Variants in CHST12 observed in about 807,000 individuals in gnomAD.
CHST12 encodes carbohydrate (chondroitin 4) sulfotransferase 12.
In CHST12, 23 loss-of-function variants were observed where a neutral mutation model predicts 27.9. That is an observed-to-expected ratio of 0.82 (90% CI 0.59 to 1.17). The LOEUF (loss-of-function observed/expected upper bound fraction) is 1.17. CHST12 is among the 50% of genes most tolerant of loss of function. CHST12 has a pLI of 0.00. For missense variants in CHST12, 682 were observed against 603.0 expected (o/e 1.13, Z -1.37); for synonymous variants, 322 against 273.0 (o/e 1.18, Z -1.77).
At chr7:2,407,348 T>C (rs1006533345) in intron 1 of CHST12, among the ~76,000 whole-genome samples, 2 of 152,008 alleles carry the variant, frequency 1.3e-5, no homozygotes, top group Non-Finnish European at 2.9e-5. Context: ...CTTGGGAGGC[T>C]GAGGTGGGAG....
In CHST12 at chr7:2,414,582, G is replaced by A. The variant is rs188608796; in HGVS notation, c.-78+10909G>A. On this transcript the variant is annotated intron_variant, in intron 1 of 1. Transcript: ENST00000618655. ...TTACAGGTGTGAGCCACCGTGCCCA[G>A]CCTTTACTTTCTTTAATGGTAAAAT... Among the ~76,000 whole-genome samples the A allele has an allele frequency of 3.1e-3, 478 of 152,286 alleles. 2 individuals are homozygous for A. Among genetic ancestry groups the A allele is most frequent in the Middle Eastern group, 0.017 (5 of 294 alleles).
At position 2,439,347 on chromosome 7, in the gene CHST12, G is replaced by A. The variant is rs1380304750; in HGVS notation, c.*5463G>A. 3 of 151,908 alleles carry A rather than the reference G, an allele frequency of 2.0e-5. No individual in the cohort carries two copies. Among genetic ancestry groups the A allele is most frequent in the Non-Finnish European group, 2.9e-5 (2 of 67,986 alleles). The allele number at this position is 151,908 out of a possible 1,614,324, so 9.4% of individuals were successfully genotyped here. A position where few individuals can be genotyped will look rare whatever the true frequency, so the allele number is the denominator to read the frequency against. ...CAGGGATAGGTGAGGCTCTCCTATT[G>A]GGATACCATTTCACCAGCAGAGAGA... On this transcript the variant is annotated 3_prime_UTR_variant, in exon 2 of 2. Transcript: ENST00000618655.
At chr7:2,413,515 G>T (rs1027869267) in intron 1 of CHST12, among the ~76,000 whole-genome samples, 1 of 152,032 alleles carries the variant, frequency 6.6e-6, no homozygotes, top group Non-Finnish European at 1.5e-5. Context: ...CCATCGCCCC[G>T]AGTTTCTGCG....
chr7:2,433,742 A>G lies in CHST12; in HGVS notation c.1103A>G (p.Tyr368Cys). The change falls in exon 2 of 2, where the codon TAC (tyrosine) becomes TGC (cysteine). Residue 368 changes from tyrosine (Y) to cysteine (C), a missense_variant. Tyr to Cys is a radical substitution (Grantham distance 194). Transcript: ENST00000618655. This position sits in a 1 kb window ranked among gnomAD's most constrained non-coding sequence, Gnocchi z 6.1. ...CGGCAGCTCCGCTTCCCCCCGAGCT[A>G]CCGGAACAGGACCGCCAGCAGCTGG... ...VDRQLRFPPS[Y>C]RNRTASSWEE... 1 of 1,613,758 alleles carries G rather than the reference A, an allele frequency of 6.2e-7. No individual in the cohort carries two copies. The highest frequency in any genetic ancestry group is 8.5e-7 in the Non-Finnish European group (1 of 1,179,982).
intron 1 of CHST12, among the ~76,000 whole-genome samples, chr7:2,409,488 G>A (rs1781608828): frequency 6.6e-6 from 1 of 152,018 alleles, no homozygotes; most frequent in African/African-American, 2.4e-5. Flanking sequence ...GGTGGCCTGT[G>A]TCTGTCTCAG....
intron 1 of CHST12, among the ~76,000 whole-genome samples, chr7:2,418,056 G>A (rs1432051631): frequency 6.6e-6 from 1 of 152,240 alleles, no homozygotes; most frequent in African/African-American, 2.4e-5. Context: ...AGTGAGCTAA[G>A]GCCATAGCTG....
At chr7:2,414,786 G>C (rs1781761140) in intron 1 of CHST12, among the ~76,000 whole-genome samples, 1 of 152,310 alleles carries the variant, frequency 6.6e-6, no homozygotes, top group Non-Finnish European at 1.5e-5. Flanking sequence ...TCCATTGTGA[G>C]TTAATTTCTG....
At chr7:2,407,789 G>C (rs562561525) in intron 1 of CHST12, among the ~76,000 whole-genome samples, 1 of 152,214 alleles carries the variant, frequency 6.6e-6, no homozygotes, top group South Asian at 2.1e-4. Context: ...AATTAGCCAA[G>C]CATGGTGGTG....
In CHST12 at chr7:2,435,935, C is replaced by A. The variant is rs1008415508; in HGVS notation, c.*2051C>A. The A allele has an allele frequency of 2.6e-5, 4 of 152,282 alleles. No individual in the cohort carries two copies. The highest frequency in any genetic ancestry group is 5.9e-5 in the Non-Finnish European group (4 of 68,138). The allele number at this position is 152,282 out of a possible 1,614,324, so 9.4% of individuals were successfully genotyped here. On this transcript the variant is annotated 3_prime_UTR_variant, in exon 2 of 2. Transcript: ENST00000618655. ...GCTCAAGTGATCTTCCCATCTCAGACTCCCAAGTAGCTGGGGTTACAGGTG... is the reference window on the plus strand; with the variant it reads ...GCTCAAGTGATCTTCCCATCTCAGAATCCCAAGTAGCTGGGGTTACAGGTG...
intron 1 of CHST12, among the ~76,000 whole-genome samples, chr7:2,410,814 A>C (rs1012281170): frequency 3.3e-5 from 5 of 152,106 alleles, no homozygotes; most frequent in African/African-American, 1.2e-4. Flanking sequence ...AGAGGAGATC[A>C]GTGGAGTCCT....
rs1782590501 is a variant in CHST12, at chr7:2,441,005, AGG to A, written c.*7122_*7123del. ...TAGGAGAGACACGGCTGTGGCTCTC[AGG>A]CTGTGGGGCAATGTTCTGCTTATAA... On this transcript the variant is annotated 3_prime_UTR_variant, in exon 2 of 2. Transcript: ENST00000618655. 1 of 152,106 alleles carries A rather than the reference AGG, an allele frequency of 6.6e-6. No homozygotes were observed. The highest frequency in any genetic ancestry group is 1.5e-5 in the Non-Finnish European group (1 of 68,008). The allele number at this position is 152,106 out of a possible 1,614,324, so 9.4% of individuals were successfully genotyped here. A position where few individuals can be genotyped will look rare whatever the true frequency, so the allele number is the denominator to read the frequency against.
intron 1 of CHST12, among the ~76,000 whole-genome samples, chr7:2,425,289 G>A (rs1782083292): frequency 6.6e-6 from 1 of 151,528 alleles, no homozygotes; most frequent in African/African-American, 2.4e-5. Flanking sequence ...TCAGCATGTC[G>A]GTCAAGACAG....
At chr7:2,411,028 G>C (rs913522718) in intron 1 of CHST12, among the ~76,000 whole-genome samples, 1 of 152,010 alleles carries the variant, frequency 6.6e-6, no homozygotes, top group African/African-American at 2.4e-5. Flanking sequence ...GAGGGGACTT[G>C]ACAAGTTAGA....
chr7:2,419,135 G>C (rs909065657), intron 1 of CHST12, among the ~76,000 whole-genome samples: 1 of 152,158 alleles, frequency 6.6e-6, no homozygotes, highest in African/African-American at 2.4e-5. Context: ...TTGGCTGGGC[G>C]TGGTGGCTCA....
At position 2,434,110 on chromosome 7, in the gene CHST12, CCACCCGCCCGCCCG is replaced by C; in HGVS notation, c.*228_*241del. ...AATATCCCCTCTCCCCTCCGCCCGC[CCACCCGCCCGCCCG>C]CTCGCCCGCTCGCCCGCTCCTGTGG... On this transcript the variant is annotated 3_prime_UTR_variant, in exon 2 of 2. Transcript: ENST00000618655. 1 of 378,834 alleles carries C rather than the reference CCACCCGCCCGCCCG, an allele frequency of 2.6e-6. No homozygotes were observed. The highest frequency in any genetic ancestry group is 4.7e-6 in the Non-Finnish European group (1 of 212,832). 23.5% of individuals were successfully genotyped at this position (378,834 alleles called of 1,614,324 possible).
rs1325297525 is a variant in CHST12 at position 2,435,366 on chromosome 7, T to C, written c.*1482T>C. On this transcript the variant is annotated 3_prime_UTR_variant, in exon 2 of 2. Transcript: ENST00000618655. ...GTACCCAGTGTCACCAAGAAGAGGC[T>C]CCGTGTGACTGTCTCTGTGGCTTTC... 6.6e-6 allele frequency: 1 copy of C among 152,198 alleles called. No homozygotes were observed. The highest frequency in any genetic ancestry group is 2.4e-5 in the African/African-American group (1 of 41,428). The allele number at this position is 152,198 out of a possible 1,614,324, so 9.4% of individuals were successfully genotyped here.
intron 1 of CHST12, among the ~76,000 whole-genome samples, chr7:2,425,146 A>G (rs541235608): frequency 3.1e-4 from 46 of 147,044 alleles, no homozygotes; most frequent in Admixed American, 2.7e-4. Flanking sequence ...CAGAGATTGC[A>G]GTGAGCCGAG....
intron 1 of CHST12, among the ~76,000 whole-genome samples, chr7:2,404,584 C>T (rs938641296): frequency 6.6e-6 from 1 of 152,206 alleles, no homozygotes; most frequent in Non-Finnish European, 1.5e-5. Flanking sequence ...GCGGGTCCCC[C>T]ACTTACCCCC....
Position 2,438,946 on chromosome 7 carries a change from T to C in CHST12, c.*5062T>C, listed in dbSNP as rs1395879240. 6.6e-6 allele frequency: 1 copy of C among 152,242 alleles called. No individual in the cohort carries two copies. Among genetic ancestry groups the C allele is most frequent in the African/African-American group, 2.4e-5 (1 of 41,428 alleles). 9.4% of individuals were successfully genotyped at this position (152,242 alleles called of 1,614,324 possible). On this transcript the variant is annotated 3_prime_UTR_variant, in exon 2 of 2. Coordinates refer to ENST00000618655, the MANE Select transcript of CHST12 (RefSeq NM_018641.5). ...TCTGGCAGGTGGAGGGGATGGACGT[T>C]ACAGTGCTGTGGCCACCTAGAAAAG...
Sources: gnomAD v4.1 joint callset for allele counts (sites outside exome capture counted in the v4.1 genomes callset) on GRCh38, gnomAD v4.1.1 for gene constraint, Gnocchi (gnomAD v3.1) non-coding constraint, MANE v1.5 for transcripts, NCBI Gene and HGNC (gene_info 2026-07-23, HGNC 2026-07-21) for gene names.